The following RXRA variants were observed in gnomAD, a reference collection of about 807,000 sequenced individuals.
RXRA encodes retinoid X receptor alpha.
A neutral mutation model predicts 44.5 loss-of-function variants in RXRA; 5 were observed. That is an observed-to-expected ratio of 0.11 (90% confidence interval 0.06 to 0.24). RXRA has a LOEUF of 0.24. RXRA is among the 10% of genes least tolerant of loss of function. The probability of loss-of-function intolerance (pLI) is 1.00; values close to 1 mark genes in which losing one functional copy is unlikely to be tolerated. For missense variants in RXRA, 412 were observed against 646.5 expected, an observed-to-expected ratio of 0.64 and a Z score of 3.93; for synonymous variants, 291 against 271.4, an observed-to-expected ratio of 1.07 and a Z score of -0.71.
chr9:134,376,596 C>T (rs1830560863), intron 1 of RXRA, among the ~76,000 whole-genome samples: 1 of 152,304 alleles, frequency 6.6e-6, no homozygotes, highest in African/African-American at 2.4e-5. Flanking sequence ...TTGCCGCGTT[C>T]TCTGTCTATA....
intron 1 of RXRA, among the ~76,000 whole-genome samples, chr9:134,346,107 G>C (rs1830147858): frequency 2.0e-5 from 3 of 152,096 alleles, no homozygotes; most frequent in Non-Finnish European, 4.4e-5. Flanking sequence ...GGTATTGGGG[G>C]GCCACGCAGG....
At chr9:134,362,549 T>C (rs1268800230) in intron 1 of RXRA, among the ~76,000 whole-genome samples, 33 of 152,364 alleles carry the variant, frequency 2.2e-4, no homozygotes, top group Non-Finnish European at 4.4e-5. Context: ...GGTGCTGGCA[T>C]GGCACAGGCC....
intron 1 of RXRA, among the ~76,000 whole-genome samples, chr9:134,387,749 G>C (rs983021991): frequency 6.6e-6 from 1 of 152,230 alleles, no homozygotes; most frequent in African/African-American, 2.4e-5. Flanking sequence ...CACTTGTCCC[G>C]GCGCCAGCCC....
At chr9:134,422,020 C>G in intron 6 of RXRA, 1 of 1,452,962 alleles carries the variant, frequency 6.9e-7, no homozygotes, top group Non-Finnish European at 9.1e-7. Context: ...GAACACACTC[C>G]CCCCTCCCTG....
chr9:134,417,245 A>G lies in RXRA; in HGVS notation c.698A>G (p.Glu233Gly). Residue 233 changes from glutamate to glycine, a missense_variant, in exon 5 of 10, where the codon GAG (glutamate) becomes GGG (glycine). Transcript: ENST00000481739. This position sits in a 1 kb window ranked among gnomAD's most constrained non-coding sequence, Gnocchi z 6.1. ...AGCGCCAACGAGGACATGCCGGTGG[A>G]GAGGATCCTGGAGGCTGAGCTGGCC... ...TSSANEDMPV[E>G]RILEAELAVE... is the part of the protein sequence containing the mutation. 1 of 1,613,882 alleles carries G rather than the reference A, an allele frequency of 6.2e-7. No individual in the cohort carries two copies. The highest frequency in any genetic ancestry group is 1.1e-5 in the South Asian group (1 of 91,084).
At chr9:134,414,518 A>G (rs942348423) in intron 4 of RXRA, among the ~76,000 whole-genome samples, 3 of 152,212 alleles carry the variant, frequency 2.0e-5, no homozygotes, top group African/African-American at 7.2e-5. Flanking sequence ...AGGTCAGGGG[A>G]CTTGGCCGGG....
chr9:134,329,621 C>T (rs1554746420), intron 1 of RXRA, among the ~76,000 whole-genome samples: 1 of 152,094 alleles, frequency 6.6e-6, no homozygotes, highest in Admixed American at 6.5e-5. Flanking sequence ...GTGTGGGGTG[C>T]AGGTTGAGCC....
chr9:134,337,168 GC>G (rs1234986908), intron 1 of RXRA, among the ~76,000 whole-genome samples: 1 of 152,230 alleles, frequency 6.6e-6, no homozygotes, highest in African/African-American at 2.4e-5. Flanking sequence ...GGGGTGCTCA[GC>G]CCCAGTGCCT....
rs556345469 is a variant in RXRA at position 134,398,902 on chromosome 9, T to G, written c.29-2730T>G. On this transcript the variant is annotated intron_variant, in intron 1 of 9. Coordinates refer to ENST00000481739, the MANE Select transcript of RXRA (RefSeq NM_002957.6). ...CTGCATGGCCCGGCCTCCTCCCAGG[T>G]GCTCCCAGGGCTACCTGGTGGAGAT... 1.0e-3 allele frequency among the ~76,000 whole-genome samples: 159 copies of G among 152,324 alleles called. 6 individuals carry two copies. The South Asian group carries it at 0.031, about 30-fold the overall frequency.
At chr9:134,334,733 C>T (rs1554747086) in intron 1 of RXRA, among the ~76,000 whole-genome samples, 1 of 152,214 alleles carries the variant, frequency 6.6e-6, no homozygotes, top group Non-Finnish European at 1.5e-5. Context: ...GGCCATTGGT[C>T]AGGGTGGCAC....
intron 1 of RXRA, 74 bp from the exon 2 acceptor site, chr9:134,401,558 T>TG (rs974648883): frequency 8.2e-5 from 131 of 1,599,896 alleles, no homozygotes; most frequent in Non-Finnish European, 1.0e-4. Context: ...CATCTGTAGC[T>TG]GGGGGGAGCA....
chr9:134,393,399 T>TG (rs1830828472), intron 1 of RXRA, among the ~76,000 whole-genome samples: 1 of 152,188 alleles, frequency 6.6e-6, no homozygotes, highest in African/African-American at 2.4e-5. Flanking sequence ...GATGCTGCTC[T>TG]GGGGCTGTTT....
rs1830959464 is a variant in RXRA, at chr9:134,401,534, C to G, written c.29-98C>G. 1.9e-6 allele frequency: 3 copies of G among 1,577,276 alleles called. No homozygotes were observed. In the East Asian group the frequency reaches 6.7e-5, roughly 35 times the overall value. On this transcript the variant is annotated intron_variant, in intron 1 of 9. Coordinates refer to ENST00000481739, the MANE Select transcript of RXRA (RefSeq NM_002957.6). ...GCCACCTTGAGGGTGCCGGGGTCTT[C>G]CCGCAGGTGCGTGCATCTGTAGCTG...
rs1468244890 is a variant in RXRA, at chr9:134,436,594, G to A, written c.1369G>A (p.Ala457Thr). 1 of 1,613,920 alleles carries A rather than the reference G, an allele frequency of 6.2e-7. No homozygotes were observed. The highest frequency in any genetic ancestry group is 1.3e-5 in the African/African-American group (1 of 74,944). ...IDTFLMEMLE[A>T]PHQMT ...CACCTTCCTTATGGAGATGCTGGAG[G>A]CGCCGCACCAAATGACTTAGGCCTG... The change falls in exon 10 of 10, where the codon GCG (alanine) becomes ACG (threonine). Residue 457 changes from alanine (A) to threonine (T), a missense_variant. This residue lies in a region of RXRA where 141 missense variants were observed against 270.8 expected (regional missense o/e 0.52). Coordinates refer to ENST00000481739, the MANE Select transcript of RXRA (RefSeq NM_002957.6).
In RXRA at chr9:134,431,974, C is replaced by T. The variant is rs141382843; in HGVS notation, c.1113C>T (p.Arg371=). 1.9e-4 allele frequency: 310 copies of T among 1,613,872 alleles called. 2 individuals carry two copies. In the African/African-American group the frequency reaches 3.7e-3, roughly 19 times the overall value. ...QMDKTELGCL[R]AIVLFNPDSK... ...ACAAGACGGAGCTGGGCTGCCTGCGCGCCATCGTCCTCTTTAACCCTGGTA... is the reference window on the plus strand; with the variant it reads ...ACAAGACGGAGCTGGGCTGCCTGCGTGCCATCGTCCTCTTTAACCCTGGTA... Residue 371 remains arginine, a synonymous_variant, in exon 8 of 10, where the codon CGC becomes CGT. Coordinates refer to ENST00000481739, the MANE Select transcript of RXRA (RefSeq NM_002957.6).
intron 1 of RXRA, among the ~76,000 whole-genome samples, chr9:134,335,135 T>C (rs1377818192): frequency 1.3e-5 from 2 of 152,158 alleles, no homozygotes; most frequent in African/African-American, 4.8e-5. Context: ...GTCATGTGGC[T>C]CTGTAGCCTC....
intron 6 of RXRA, chr9:134,423,978 C>T (rs1268078183): frequency 3.1e-5 from 30 of 982,658 alleles, no homozygotes; most frequent in Middle Eastern, 5.2e-4. Flanking sequence ...GGCGGAGGTC[C>T]GAGTCGGGTT....
chr9:134,381,972 G>A (rs1830653420), intron 1 of RXRA, among the ~76,000 whole-genome samples: 1 of 152,282 alleles, frequency 6.6e-6, no homozygotes, highest in African/African-American at 2.4e-5. Context: ...CTCCCTCGGT[G>A]TAGCAGTCAG....
chr9:134,377,739 C>T (rs747237369), intron 1 of RXRA, among the ~76,000 whole-genome samples: 1 of 152,210 alleles, frequency 6.6e-6, no homozygotes, highest in Non-Finnish European at 1.5e-5. Context: ...AGCTGCTGCC[C>T]GATTTCCACC....
Sources: allele counts gnomAD v4.1 joint callset (sites outside exome capture counted in the v4.1 genomes callset), GRCh38; gene constraint gnomAD v4.1.1; regional missense constraint gnomAD v4.1.1; non-coding constraint Gnocchi (gnomAD v3.1); transcripts MANE v1.5; gene names NCBI Gene and HGNC (gene_info 2026-07-23, HGNC 2026-07-21).